Variants in GALNT1 observed in about 807,000 individuals in gnomAD.
GALNT1 encodes the protein polypeptide N-acetylgalactosaminyltransferase 1.
In GALNT1, 17 loss-of-function variants were observed where a neutral mutation model predicts 65.7. The observed-to-expected ratio is 0.26, with a 90% confidence interval of 0.18 to 0.39. GALNT1 has a LOEUF of 0.39. GALNT1 is among the 10% of genes least tolerant of loss of function. The pLI is 1.00. For synonymous variants in GALNT1, 210 were observed against 219.7 expected (o/e 0.96, Z 0.39); for missense variants, 460 against 672.8 (o/e 0.68, Z 3.50).
At chr18:35,692,882 C>T (rs1167221130) in intron 9 of GALNT1, among the ~76,000 whole-genome samples, 3 of 152,128 alleles carry the variant, frequency 2.0e-5, no homozygotes, top group African/African-American at 7.2e-5. Flanking sequence ...AAGTGGCCTC[C>T]CACTCTGAAG....
intron 3 of GALNT1, among the ~76,000 whole-genome samples, chr18:35,673,925 A>G (rs2047669439): frequency 6.6e-6 from 1 of 152,200 alleles, no homozygotes; most frequent in South Asian, 2.1e-4. Flanking sequence ...ACAAACCTAG[A>G]TGGTACAGCC....
In GALNT1 at chr18:35,711,277, T is replaced by A. The variant is rs1421859587; in HGVS notation, c.*1507T>A. 2.0e-5 allele frequency: 3 copies of A among 152,674 alleles called. No homozygotes were observed. Among genetic ancestry groups the A allele is most frequent in the Non-Finnish European group, 4.4e-5 (3 of 68,044 alleles). 9.5% of individuals were successfully genotyped at this position (152,674 alleles called of 1,614,324 possible). On this transcript the variant is annotated 3_prime_UTR_variant, in exon 12 of 12. Transcript: ENST00000269195. ...TCTTTCATATTTGTAAAATTATATTTAATGGAATTCTTTTCTTTGATTATC... is the reference window on the plus strand; with the variant it reads ...TCTTTCATATTTGTAAAATTATATTAAATGGAATTCTTTTCTTTGATTATC...
chr18:35,703,940 G>T (rs547247703), intron 11 of GALNT1, among the ~76,000 whole-genome samples: 1 of 152,316 alleles, frequency 6.6e-6, no homozygotes, highest in East Asian at 1.9e-4. Flanking sequence ...TGGGAGAAAT[G>T]AGGCAGAAAG....
chr18:35,640,703 C>G (rs975008254), intron 1 of GALNT1, among the ~76,000 whole-genome samples: 11 of 152,096 alleles, frequency 7.2e-5, no homozygotes, highest in Admixed American at 7.2e-4. Flanking sequence ...TAGTATAAAG[C>G]TGTAAAAGTT....
At chr18:35,623,886 G>A (rs1366553037) in intron 1 of GALNT1, among the ~76,000 whole-genome samples, 2 of 152,098 alleles carry the variant, frequency 1.3e-5, no homozygotes, top group South Asian at 2.1e-4. Flanking sequence ...GTCATCTTCT[G>A]TTCAGTATCC....
At chr18:35,659,953 T>TA (rs879349816) in intron 2 of GALNT1, 1 of 152,184 alleles carries the variant, frequency 6.6e-6, no homozygotes, top group Admixed American at 6.5e-5. Context: ...TTTTGATGTT[T>TA]AAAAAATCAG....
At chr18:35,597,181 A>T (rs1234815483) in intron 1 of GALNT1, 1 of 152,236 alleles carries the variant, frequency 6.6e-6, no homozygotes, top group African/African-American at 2.4e-5. Flanking sequence ...AAGATTTAAG[A>T]GTCCTGGAGA....
chr18:35,638,487 G>A (rs1404099087), intron 1 of GALNT1, among the ~76,000 whole-genome samples: 1 of 151,318 alleles, frequency 6.6e-6, no homozygotes, highest in East Asian at 1.9e-4. Flanking sequence ...CACAGCCCCA[G>A]CAGTCCTGCA....
At chr18:35,650,831 A>G (rs1272656246) in intron 1 of GALNT1, among the ~76,000 whole-genome samples, 2 of 152,144 alleles carry the variant, frequency 1.3e-5, no homozygotes, top group East Asian at 1.9e-4. Flanking sequence ...CAATTTGTGC[A>G]GTTAACACAA....
chr18:35,652,563 G>A (rs541867111), intron 1 of GALNT1, among the ~76,000 whole-genome samples: 14 of 152,170 alleles, frequency 9.2e-5, no homozygotes, highest in African/African-American at 3.1e-4. Context: ...TTGACACCTC[G>A]ACATGAGGCC....
At chr18:35,633,128 C>G (rs1165068989) in intron 1 of GALNT1, among the ~76,000 whole-genome samples, 1 of 152,170 alleles carries the variant, frequency 6.6e-6, no homozygotes, top group East Asian at 1.9e-4. Flanking sequence ...TTGTGGAAGA[C>G]AGTGTGGCAA....
intron 1 of GALNT1, among the ~76,000 whole-genome samples, chr18:35,609,458 G>A (rs2144030925): frequency 6.6e-6 from 1 of 152,254 alleles, no homozygotes; most frequent in East Asian, 1.9e-4. Context: ...GGATAATTTT[G>A]CCTGGAGCGC....
rs532657954 is a variant in GALNT1, at chr18:35,613,477, C to T, written c.-104+31615C>T. 2.6e-5 allele frequency among the ~76,000 whole-genome samples: 4 copies of T among 152,292 alleles called. No individual in the cohort carries two copies. In the East Asian group the frequency reaches 7.7e-4, roughly 29 times the overall value. ...AAGGAAACTTTCCAGAGGCCCAGAACAAGAAATCTTGAATCCAGGGAGGTA... is the reference window on the plus strand; with the variant it reads ...AAGGAAACTTTCCAGAGGCCCAGAATAAGAAATCTTGAATCCAGGGAGGTA... On this transcript the variant is annotated intron_variant, in intron 1 of 11. Transcript: ENST00000269195.
At chr18:35,696,231 G>A (rs1328886196) in intron 9 of GALNT1, among the ~76,000 whole-genome samples, 5 of 152,154 alleles carry the variant, frequency 3.3e-5, no homozygotes, top group Non-Finnish European at 5.9e-5. Flanking sequence ...TGCAGCCCAG[G>A]GATCTTATGC....
chr18:35,628,900 A>G (rs2046960588), intron 1 of GALNT1, among the ~76,000 whole-genome samples: 1 of 152,256 alleles, frequency 6.6e-6, no homozygotes, highest in Non-Finnish European at 1.5e-5. Context: ...AAACCACAGC[A>G]CGAGAACTAC....
At chr18:35,584,946 A>T (rs1849422429) in intron 1 of GALNT1, among the ~76,000 whole-genome samples, 1 of 152,184 alleles carries the variant, frequency 6.6e-6, no homozygotes, top group Admixed American at 6.5e-5. Context: ...TGGAGCGATT[A>T]ATGTGTGCCA....
chr18:35,690,528 A>G (rs1029616567), intron 7 of GALNT1, among the ~76,000 whole-genome samples: 3 of 152,202 alleles, frequency 2.0e-5, no homozygotes, highest in African/African-American at 7.2e-5. Flanking sequence ...CATCAATTTG[A>G]ATTTATGATT....
In GALNT1 at chr18:35,653,785, A is replaced by G. The variant is rs539583693; in HGVS notation, c.-103-775A>G. Among the ~76,000 whole-genome samples the G allele has an allele frequency of 2.0e-5, 3 of 152,364 alleles. No individual in the cohort carries two copies. In the South Asian group the frequency reaches 6.2e-4, roughly 32 times the overall value. ...CATTTTCTCATCATGGTATAACATAATAAAGGGAGGTAGTAGGGTGGGAAA... is the reference window on the plus strand; with the variant it reads ...CATTTTCTCATCATGGTATAACATAGTAAAGGGAGGTAGTAGGGTGGGAAA... On this transcript the variant is annotated intron_variant, in intron 1 of 11. Coordinates refer to ENST00000269195, the MANE Select transcript of GALNT1 (RefSeq NM_020474.4).
intron 1 of GALNT1, among the ~76,000 whole-genome samples, chr18:35,617,627 A>G (rs548565743): frequency 6.6e-6 from 1 of 152,300 alleles, no homozygotes; most frequent in Admixed American, 6.5e-5. Flanking sequence ...TTTTAAAGCA[A>G]TGGAAGACAT....
Sources: gnomAD v4.1 joint callset for allele counts (sites outside exome capture counted in the v4.1 genomes callset) on GRCh38, gnomAD v4.1.1 for gene constraint, MANE v1.5 for transcripts, NCBI Gene and HGNC (gene_info 2026-07-23, HGNC 2026-07-21) for gene names.